Variants in SOHLH1 observed in about 807,000 individuals in gnomAD.
The protein encoded by SOHLH1 is spermatogenesis- and oogenesis-specific basic helix-loop-helix-containing protein 1.
A neutral mutation model predicts 36.2 loss-of-function variants in SOHLH1; 23 were observed. The observed-to-expected ratio is 0.64, with a 90% CI of 0.46 to 0.90. SOHLH1 has a LOEUF of 0.90. SOHLH1 is among the 40% of genes least tolerant of loss of function. The probability of loss-of-function intolerance (pLI) is 0.00; values close to 1 mark genes in which losing one functional copy is unlikely to be tolerated. For missense variants in SOHLH1, 608 were observed against 517.0 expected, an observed-to-expected ratio of 1.18 and a Z score of -1.71; for synonymous variants, 289 against 228.3, an observed-to-expected ratio of 1.27 and a Z score of -2.40.
chr9:135,696,296 T>C (rs1328521021), intron 5 of SOHLH1, among the ~76,000 whole-genome samples: 1 of 151,326 alleles, frequency 6.6e-6, no homozygotes, highest in Non-Finnish European at 1.5e-5. Flanking sequence ...CTCCCTTCCC[T>C]GGAGCACATG....
At position 135,696,604 on chromosome 9, in the gene SOHLH1, G is replaced by A; in HGVS notation, c.661+8C>T. On this transcript the variant is annotated splice_region_variant and intron_variant, in intron 5 of 7. Transcript: ENST00000425225. Reference sequence around the variant, plus strand: ...CAAAGGCACCCCACATGCACACCCAGGACTCACCTGAGAAAGGGGGCAGCC... The same window carrying A: ...CAAAGGCACCCCACATGCACACCCAAGACTCACCTGAGAAAGGGGGCAGCC... 6.2e-7 allele frequency: 1 copy of A among 1,611,862 alleles called. No homozygotes were observed. The highest frequency in any genetic ancestry group is 1.1e-5 in the South Asian group (1 of 90,994).
chr9:135,699,522 C>T, upstream of SOHLH1: 1 of 1,565,250 alleles, frequency 6.4e-7, no homozygotes, highest in Non-Finnish European at 8.7e-7. Flanking sequence ...CAGGCAGCCC[C>T]GCCCCCTCAC....
At chr9:135,701,723 C>T (rs1189486259), upstream of SOHLH1, among the ~76,000 whole-genome samples, 2 of 139,168 alleles carry the variant, frequency 1.4e-5, no homozygotes, top group African/African-American at 5.1e-5. Flanking sequence ...GGTGTGGGGG[C>T]GGGGGGGCGG....
intron 3 of SOHLH1, 110 bp from the exon 4 acceptor site, chr9:135,697,737 G>C: frequency 7.4e-7 from 1 of 1,351,044 alleles, no homozygotes; most frequent in Admixed American, 1.9e-5. Flanking sequence ...TGTGAGCTCG[G>C]TCCCCGCTTG....
At chr9:135,699,704 C>T (rs1301380308), upstream of SOHLH1, among the ~76,000 whole-genome samples, 1 of 152,150 alleles carries the variant, frequency 6.6e-6, no homozygotes, top group African/African-American at 2.4e-5. Context: ...GGTCCACCCA[C>T]TCTATGCCCC....
Position 135,693,635 on chromosome 9 carries a change from C to T in SOHLH1, c.1126G>A (p.Glu376Lys). ...VDCAGLALKD[E>K]VESIFPDFFA... ...AAGTCAGGGAAGATGCTCTCCACCT[C>T]GTCCTTCAGGGCCAGGCCTGCACAG... The change falls in exon 8 of 8, where the codon GAG becomes AAG. Residue 376 changes from glutamate (E) to lysine (K), a missense_variant. Transcript: ENST00000425225. 1.3e-6 allele frequency: 2 copies of T among 1,586,874 alleles called. No homozygotes were observed. Among genetic ancestry groups the T allele is most frequent in the Non-Finnish European group, 1.7e-6 (2 of 1,166,932 alleles).
At chr9:135,699,272 C>G in intron 1 of SOHLH1, 131 bp downstream of exon 1, 2 of 1,494,528 alleles carry the variant, frequency 1.3e-6, no homozygotes, top group South Asian at 2.4e-5. Flanking sequence ...CTCTGCACCC[C>G]TTCCCCTCTC....
In SOHLH1 at chr9:135,697,617, G is replaced by T; in HGVS notation, c.356C>A (p.Ser119Tyr). 6.2e-7 allele frequency: 1 copy of T among 1,611,744 alleles called. No individual in the cohort carries two copies. Among genetic ancestry groups the T allele is most frequent in the African/African-American group, 1.3e-5 (1 of 75,046 alleles). Reference protein sequence around the residue: ...PSQEQHAILASSKEMWHSLQE... With the variant: ...PSQEQHAILAYSKEMWHSLQE... ...CAACGAGTGCCACATTTCCTTGGAG[G>T]AAGCAAGAATCTGAAATTTAAGTAA... is the stretch of plus-strand genomic sequence containing the variant. The change falls in exon 4 of 8, where the codon TCC (serine) becomes TAC (tyrosine). Residue 119 changes from serine to tyrosine, a missense_variant. By Grantham distance (144) the Ser-to-Tyr change is moderately radical (BLOSUM62 -2). Coordinates refer to ENST00000425225, the MANE Select transcript of SOHLH1 (RefSeq NM_001101677.2).
intron 3 of SOHLH1, among the ~76,000 whole-genome samples, chr9:135,698,057 C>T (rs1834879220): frequency 6.6e-6 from 1 of 152,144 alleles, no homozygotes. Flanking sequence ...CCCAAATTGG[C>T]ACGGAGCATC....
chr9:135,699,629 G>A (rs192752105), upstream of SOHLH1: 2 of 721,650 alleles, frequency 2.8e-6, no homozygotes, highest in African/African-American at 2.1e-5. Flanking sequence ...CCCTCCCCAC[G>A]CAGCCAGCCC....
intron 4 of SOHLH1, 44 bp downstream of exon 4, chr9:135,697,462 C>T (rs754426044): frequency 1.3e-6 from 2 of 1,595,206 alleles, no homozygotes; most frequent in Non-Finnish European, 1.7e-6. Flanking sequence ...CTGCTGCTCC[C>T]AGGGTCACCC....
rs1474593515 is a variant in SOHLH1 at position 135,695,239 on chromosome 9, G to A, written c.686C>T (p.Pro229Leu). ...FSEPSSLVPW[P>L]PGRSLPKAVR... ...AGCCTTAGGAAGACTCCGGCCTGGGGGCCACGGCACCAGGCTGGAAGGTTC... is the reference window on the plus strand; with the variant it reads ...AGCCTTAGGAAGACTCCGGCCTGGGAGCCACGGCACCAGGCTGGAAGGTTC... Residue 229 changes from proline (P) to leucine (L), a missense_variant, in exon 6 of 8, where the codon CCC (proline) becomes CTC (leucine). Transcript: ENST00000425225. 1 of 1,600,572 alleles carries A rather than the reference G, an allele frequency of 6.2e-7. No homozygotes were observed. The highest frequency in any genetic ancestry group is 8.5e-7 in the Non-Finnish European group (1 of 1,175,478).
chr9:135,694,766 T>G (rs1834722929), intron 6 of SOHLH1, among the ~76,000 whole-genome samples: 1 of 147,430 alleles, frequency 6.8e-6, no homozygotes, highest in African/African-American at 2.5e-5. Context: ...CCAGCTGGTA[T>G]GTGCTCACGA....
rs559326 is a variant in SOHLH1 at position 135,699,420 on chromosome 9, A to C, written c.48T>G (p.Pro16=). Residue 16 remains proline, a synonymous_variant, in exon 1 of 8, where the codon CCT becomes CCG. Transcript: ENST00000425225. ...TTCCTCACTTGCATCCCCTGACGGT[A>C]GGGATTCTGGAGACCTCCGGGTAGG... is the stretch of plus-strand genomic sequence containing the variant. ...SEPYPEVSRI[P]TVRGCNGSLS... is the part of the protein sequence containing the mutation. The C allele has an allele frequency of 1.2e-6, 2 of 1,611,944 alleles. No homozygotes were observed. Among genetic ancestry groups the C allele is most frequent in the Admixed American group, 3.3e-5 (2 of 59,832 alleles).
intron 2 of SOHLH1, 56 bp downstream of exon 2, chr9:135,698,939 C>T: frequency 6.2e-7 from 1 of 1,610,108 alleles, no homozygotes; most frequent in Non-Finnish European, 8.5e-7. Flanking sequence ...CGAACATAAT[C>T]TCACCCGCTC....
intron 4 of SOHLH1, 131 bp downstream of exon 4, chr9:135,697,375 G>A (rs1379891861): frequency 3.0e-6 from 4 of 1,344,714 alleles, no homozygotes; most frequent in African/African-American, 2.9e-5. Flanking sequence ...CAGGGCCCTG[G>A]GCAGGTCACC....
At chr9:135,699,772 T>A (rs1257869687), upstream of SOHLH1, among the ~76,000 whole-genome samples, 4 of 151,404 alleles carry the variant, frequency 2.6e-5, no homozygotes, top group Non-Finnish European at 5.9e-5. Flanking sequence ...ACCCTTACCT[T>A]CCCGGGGGTC....
At position 135,698,434 on chromosome 9, in the gene SOHLH1, C is replaced by A. The variant is rs752887941; in HGVS notation, c.240G>T (p.Leu80=). Residue 80 remains leucine, a synonymous_variant, in exon 3 of 8, where the codon CTG becomes CTT. Transcript: ENST00000425225. ...CCTCCCGCCGGCCATCGAACTGGGG[C>A]AGCAGGGCCCGCAGACGCTCACAGC... ...SLSCERLRAL[L]PQFDGRREDM... 3 of 1,613,224 alleles carry A rather than the reference C, an allele frequency of 1.9e-6. No homozygotes were observed. The Admixed American group carries it at 5.0e-5, about 27-fold the overall frequency.
In SOHLH1 at chr9:135,694,175, G is replaced by C. The variant is rs145577527; in HGVS notation, c.946+212C>G. ...GCACCGCCAGCTCTCATGCAGGCTC[G>C]TCCACATCACGTTCACTCACACACT... On this transcript the variant is annotated intron_variant, in intron 7 of 7. Transcript: ENST00000425225. The C allele has an allele frequency of 1.3e-5, 19 of 1,437,892 alleles. No homozygotes were observed. The East Asian group carries it at 4.7e-4, about 36-fold the overall frequency. 89.1% of individuals were successfully genotyped at this position (1,437,892 alleles called of 1,614,324 possible).
Sources: gnomAD v4.1 joint callset for allele counts (sites outside exome capture counted in the v4.1 genomes callset) on GRCh38, gnomAD v4.1.1 for gene constraint, MANE v1.5 for transcripts, NCBI Gene and HGNC (gene_info 2026-07-23, HGNC 2026-07-21) for gene names.